MICAL1: variants seen among roughly 807,000 people sequenced by gnomAD.
MICAL1 encodes [F-actin]-monooxygenase MICAL1.
Under a neutral mutation model 131.8 loss-of-function variants are expected in MICAL1, and 95 were observed. The observed-to-expected ratio is 0.72, with a 90% CI of 0.61 to 0.86. The LOEUF (loss-of-function observed/expected upper bound fraction) is 0.86, where lower values mean the gene tolerates loss of function less well. Ranked by LOEUF, MICAL1 falls within the 40% of genes least tolerant of loss-of-function variation. The pLI is 0.00. For missense variants in MICAL1, 1,292 were observed against 1,380.6 expected (o/e 0.94, Z 1.02); for synonymous variants, 546 against 554.2 (o/e 0.99, Z 0.21).
upstream of MICAL1, among the ~76,000 whole-genome samples, chr6:109,457,751 T>C (rs924998327): frequency 6.6e-6 from 1 of 152,232 alleles, no homozygotes; most frequent in African/African-American, 2.4e-5. Flanking sequence ...TGTGGCTCTA[T>C]GAATGACACA....
At chr6:109,449,135 G>T (rs1053772750) in intron 11 of MICAL1, 15 of 659,510 alleles carry the variant, frequency 2.3e-5, no homozygotes, top group African/African-American at 1.8e-4. Context: ...AGACTAAACT[G>T]GGGGCAGGGG....
At position 109,447,449 on chromosome 6, in the gene MICAL1, G is replaced by A. The variant is rs984794555; in HGVS notation, c.1987-9C>T. 9 of 1,609,940 alleles carry A rather than the reference G, an allele frequency of 5.6e-6. No individual in the cohort carries two copies. The highest frequency in any genetic ancestry group is 6.8e-6 in the Non-Finnish European group (8 of 1,177,792). On this transcript the variant is annotated splice_polypyrimidine_tract_variant and intron_variant, in intron 15 of 24. Transcript: ENST00000358807. Reference sequence around the variant, plus strand: ...GGGGTCTCGGCCTCCATCTAAGGAGGTAAGTGCTCAGGCAGGGAGGGTAGA... The same window carrying A: ...GGGGTCTCGGCCTCCATCTAAGGAGATAAGTGCTCAGGCAGGGAGGGTAGA...
Position 109,453,763 on chromosome 6 carries a change from TC to T in MICAL1, c.340del (p.Glu114LysfsTer52). On this transcript the variant is annotated frameshift_variant, in exon 3 of 25. Coordinates refer to ENST00000358807, the MANE Select transcript of MICAL1 (RefSeq NM_022765.4). LOFTEE classifies it high-confidence loss of function. Reference sequence around the variant, plus strand: ...GTGGCGAGAGAACTTGGTGCGCTTTTCCACCAGCACCACTCGGGCCCCCAGC... The same window carrying T: ...GTGGCGAGAGAACTTGGTGCGCTTTTCACCAGCACCACTCGGGCCCCCAGC... ...ALLGARVVLVEKRTKFSRHNV... is the reference protein window; with the variant it reads ...ALLGARVVLVXKRTKFSRHNV... The T allele has an allele frequency of 6.2e-7, 1 of 1,613,668 alleles. No individual in the cohort carries two copies. The highest frequency in any genetic ancestry group is 8.5e-7 in the Non-Finnish European group (1 of 1,179,996).
rs1464189928 is a variant in MICAL1 at position 109,453,768 on chromosome 6, C to T, written c.336G>A (p.Leu112=). 2 of 1,613,630 alleles carry T rather than the reference C, an allele frequency of 1.2e-6. No homozygotes were observed. Among genetic ancestry groups the T allele is most frequent in the Non-Finnish European group, 1.7e-6 (2 of 1,180,024 alleles). ...ELALLGARVV[L]VEKRTKFSRH... ...GAGAGAACTTGGTGCGCTTTTCCACCAGCACCACTCGGGCCCCCAGCAGCG... is the reference window on the plus strand; with the variant it reads ...GAGAGAACTTGGTGCGCTTTTCCACTAGCACCACTCGGGCCCCCAGCAGCG... Residue 112 remains leucine (L), a synonymous_variant, in exon 3 of 25, where the codon CTG becomes CTA. Coordinates refer to ENST00000358807, the MANE Select transcript of MICAL1 (RefSeq NM_022765.4).
At chr6:109,460,425 TAAA>T (rs941046868), upstream of MICAL1, among the ~76,000 whole-genome samples, 5 of 88,328 alleles carry the variant, frequency 5.7e-5, no homozygotes, top group African/African-American at 4.2e-5. Flanking sequence ...AGACCCTACG[TAAA>T]AAAAAAAAAA....
In MICAL1 at chr6:109,449,771, G is replaced by A. The variant is rs1012069125; in HGVS notation, c.1320C>T (p.Tyr440=). 2.5e-6 allele frequency: 4 copies of A among 1,609,066 alleles called. No individual in the cohort carries two copies. Among genetic ancestry groups the A allele is most frequent in the African/African-American group, 2.7e-5 (2 of 74,846 alleles). ...CTGGGGATGTCTGTGACAGAAGCTG[G>A]TACAGGCTCTCACTGAGGGGGTGAG... ...LEVLAERESL[Y]QLLSQTSPEN... is the part of the protein sequence containing the mutation. Residue 440 remains tyrosine, a synonymous_variant, in exon 10 of 25, where the codon TAC becomes TAT. Coordinates refer to ENST00000358807, the MANE Select transcript of MICAL1 (RefSeq NM_022765.4).
chr6:109,447,577 C>A, intron 15 of MICAL1, 104 bp downstream of exon 15: 1 of 1,572,090 alleles, frequency 6.4e-7, no homozygotes, highest in Non-Finnish European at 8.7e-7. Flanking sequence ...GGTTACAGGA[C>A]CTGGGGTGGG....
At chr6:109,458,312 A>G (rs887789782), upstream of MICAL1, among the ~76,000 whole-genome samples, 1 of 152,210 alleles carries the variant, frequency 6.6e-6, no homozygotes, top group African/African-American at 2.4e-5. Flanking sequence ...GTCCCATTCT[A>G]AGGCTGGGCA....
chr6:109,454,140 C>A lies in MICAL1; in HGVS notation c.57G>T (p.Gln19His), dbSNP rs1775655680. Residue 19 changes from glutamine to histidine, a missense_variant, in exon 2 of 25, where the codon CAG becomes CAT. By Grantham distance (24) the Gln-to-His change is conservative. Transcript: ENST00000358807. ...TCAGCACGTCCTGGCACAGCTGGGC[C>A]TGCAGGAAGCTCTCAAAGTGGGCAT... ...PAHAHFESFL[Q>H]AQLCQDVLSS... is the part of the protein sequence containing the mutation. 3.7e-6 allele frequency: 6 copies of A among 1,612,904 alleles called. No individual in the cohort carries two copies. Among genetic ancestry groups the A allele is most frequent in the Non-Finnish European group, 5.1e-6 (6 of 1,179,670 alleles).
At chr6:109,465,409 T>C (rs1776009120) in intron 1 of MICAL1, 1 of 530,220 alleles carries the variant, frequency 1.9e-6, no homozygotes, top group Non-Finnish European at 3.3e-6. Context: ...AACAACTGTG[T>C]TGCCTAAGAA....
chr6:109,455,561 A>T lies in MICAL1; in HGVS notation c.-44+158T>A. The T allele has an allele frequency of 2.5e-6, 1 of 398,858 alleles. No homozygotes were observed. Among genetic ancestry groups the T allele is most frequent in the Non-Finnish European group, 3.4e-6 (1 of 293,168 alleles). The allele number at this position is 398,858 out of a possible 1,614,324, so 24.7% of individuals were successfully genotyped here. On this transcript the variant is annotated intron_variant, in intron 1 of 24. Coordinates refer to ENST00000358807, the MANE Select transcript of MICAL1 (RefSeq NM_022765.4). The surrounding 1 kb of genome is among the most constrained non-coding windows in gnomAD (Gnocchi z 4.7). ...GGGGGTCCCCGACACTGGACGGCAA[A>T]GTCCGGACGCGGCGTGAGCAGGGCT...
At chr6:109,459,877 T>C (rs1005293356), upstream of MICAL1, among the ~76,000 whole-genome samples, 3 of 152,244 alleles carry the variant, frequency 2.0e-5, no homozygotes, top group Non-Finnish European at 4.4e-5. Context: ...TGATTTAGTC[T>C]AAGGAAGCTT....
chr6:109,461,839 C>T lies in MICAL1; in HGVS notation c.14+3825G>A, dbSNP rs539515695. Reference sequence around the variant, plus strand: ...AAATCCAGCTTAAAGTTTTAAAAGCCTGTGCCCTAGTTCTGGTTCTACCAC... The same window carrying T: ...AAATCCAGCTTAAAGTTTTAAAAGCTTGTGCCCTAGTTCTGGTTCTACCAC... On this transcript the variant is annotated intron_variant, in intron 1 of 24. Coordinates refer to the MICAL1 transcript ENST00000630715. Among the ~76,000 whole-genome samples, 34 of 152,236 alleles carry T rather than the reference C, an allele frequency of 2.2e-4. 1 individual carries two copies. The East Asian group carries it at 6.4e-3, about 29-fold the overall frequency.
intron 11 of MICAL1, chr6:109,449,156 C>A (rs1038698510): frequency 4.2e-5 from 28 of 663,440 alleles, no homozygotes; most frequent in Non-Finnish European, 7.5e-5. Flanking sequence ...AGGTTGCCAG[C>A]ACCACTATGG....
Position 109,454,057 on chromosome 6 carries a change from T to G in MICAL1, c.140A>C (p.Gln47Pro). The change falls in exon 2 of 25, where the codon CAG becomes CCG. Residue 47 changes from glutamine to proline, a missense_variant. Physicochemically the swap from Gln to Pro is moderately conservative, Grantham distance 76. Transcript: ENST00000358807. The part of the protein sequence containing the change: ...LGLEPGGGLP[Q>P]YHKIKDQLNY... ...GAGCTGGTCCTTGATCTTGTGGTAC[T>G]GGGGCAGCCCCCCACCGGGTTCCAG... The G allele has an allele frequency of 1.2e-6, 2 of 1,614,106 alleles. No homozygotes were observed. Among genetic ancestry groups the G allele is most frequent in the South Asian group, 1.1e-5 (1 of 91,084 alleles).
chr6:109,445,186 T>C lies in MICAL1; in HGVS notation c.2881+11A>G, dbSNP rs1317958081. On this transcript the variant is annotated intron_variant, in intron 22 of 24. Transcript: ENST00000358807. ...CTAGAAGGCAGAGGGGTGTCCTAGC[T>C]TGTCACTCACTGCTCTGGCGCCTCA... The C allele has an allele frequency of 1.2e-6, 2 of 1,612,566 alleles. No homozygotes were observed. Among genetic ancestry groups the C allele is most frequent in the Non-Finnish European group, 1.7e-6 (2 of 1,179,950 alleles).
At chr6:109,447,999 G>T in intron 13 of MICAL1, 36 bp from the exon 14 acceptor site, 1 of 1,567,050 alleles carries the variant, frequency 6.4e-7, no homozygotes, top group Non-Finnish European at 8.7e-7. Flanking sequence ...GTGGATGGGG[G>T]GTGCCAATAC....
intron 11 of MICAL1, 106 bp from the exon 12 acceptor site, chr6:109,448,985 G>T: frequency 6.8e-7 from 1 of 1,466,934 alleles, no homozygotes; most frequent in Non-Finnish European, 9.2e-7. Context: ...GAGGAGTCAG[G>T]GACCCACCTC....
In MICAL1 at chr6:109,444,728, C is replaced by T. The variant is rs768171908; in HGVS notation, c.3052G>A (p.Glu1018Lys). 1.1e-5 allele frequency: 17 copies of T among 1,614,134 alleles called. No individual in the cohort carries two copies. The highest frequency in any genetic ancestry group is 3.3e-5 in the South Asian group (3 of 91,090). The change falls in exon 24 of 25, where the codon GAA (glutamate) becomes AAA (lysine). Residue 1018 changes from glutamate (E) to lysine (K), a missense_variant. By Grantham distance (56) the Glu-to-Lys change is moderately conservative (BLOSUM62 1). Transcript: ENST00000358807. ...CTTCTCCCCACATTTCACCTACCTTCCCGGTTCATGTAGCCTCGTAGCTCC... is the reference window on the plus strand; with the variant it reads ...CTTCTCCCCACATTTCACCTACCTTTCCGGTTCATGTAGCCTCGTAGCTCC... ...DQELRGYMNR[E>K]ENLKTAADRQ...
Sources: gnomAD v4.1 joint callset for allele counts (sites outside exome capture counted in the v4.1 genomes callset) on GRCh38, gnomAD v4.1.1 for gene constraint, Gnocchi (gnomAD v3.1) non-coding constraint, MANE v1.5 for transcripts, NCBI Gene and HGNC (gene_info 2026-07-23, HGNC 2026-07-21) for gene names.